DLGAP1: variants seen among roughly 807,000 people sequenced by gnomAD.
DLGAP1 encodes the protein DLG associated protein 1, also known as disks large-associated protein 1.
DLGAP1 carries 11 observed loss-of-function variants against 90.8 expected under a neutral mutation model. That is an observed-to-expected ratio of 0.12 (90% confidence interval 0.08 to 0.20). The LOEUF (loss-of-function observed/expected upper bound fraction) is 0.20, where lower values mean the gene tolerates loss of function less well. DLGAP1 is among the 10% of genes least tolerant of loss of function. The pLI is 1.00. For missense variants in DLGAP1, 1,050 were observed against 1,333.8 expected (o/e 0.79, Z 3.31); for synonymous variants, 558 against 540.7 (o/e 1.03, Z -0.44).
chr18:3,794,996 G>A (rs2065914595), intron 5 of DLGAP1, among the ~76,000 whole-genome samples: 1 of 152,242 alleles, frequency 6.6e-6, no homozygotes, highest in Non-Finnish European at 1.5e-5. Context: ...ATATCTTAGA[G>A]ATGCAAACGA....
intron 2 of DLGAP1, among the ~76,000 whole-genome samples, chr18:4,125,708 C>G (rs8084562): frequency 0.2 from 30,806 of 152,108 alleles, 3,348 homozygotes; most frequent in African/African-American, 0.26. Flanking sequence ...GGCACAAACT[C>G]TAATCACAGG....
intron 2 of DLGAP1, among the ~76,000 whole-genome samples, chr18:4,091,344 T>C (rs1215844255): frequency 6.6e-6 from 1 of 152,342 alleles, no homozygotes; most frequent in East Asian, 1.9e-4. Context: ...GGTGTGTAGG[T>C]GTGTGGATTT....
chr18:3,987,502 C>G (rs2073866814), intron 3 of DLGAP1, among the ~76,000 whole-genome samples: 1 of 152,206 alleles, frequency 6.6e-6, no homozygotes, highest in Non-Finnish European at 1.5e-5. Flanking sequence ...ATTGGGTCTA[C>G]TCGGTACCAG....
chr18:4,362,489 C>T (rs1355913419), intron 1 of DLGAP1, among the ~76,000 whole-genome samples: 1 of 152,140 alleles, frequency 6.6e-6, no homozygotes, highest in Admixed American at 6.5e-5. Flanking sequence ...AAGACAAATG[C>T]TGTATGATTC....
Position 4,258,837 on chromosome 18 carries a change from T to C in DLGAP1, c.-266-107550A>G, listed in dbSNP as rs576584505. Among the ~76,000 whole-genome samples the C allele has an allele frequency of 6.5e-4, 99 of 152,252 alleles. 1 individual carries two copies. Among genetic ancestry groups the C allele is most frequent in the African/African-American group, 2.3e-3 (94 of 41,546 alleles). On this transcript the variant is annotated intron_variant, in intron 1 of 12. Transcript: ENST00000315677. Reference sequence around the variant, plus strand: ...TTTGCCTTTTCCTACTCTTTGGTCATGAACAAAAGCCCTGCATGATCTTAA... The same window carrying C: ...TTTGCCTTTTCCTACTCTTTGGTCACGAACAAAAGCCCTGCATGATCTTAA...
At chr18:4,235,086 A>G (rs1568464250) in intron 1 of DLGAP1, among the ~76,000 whole-genome samples, 1 of 152,074 alleles carries the variant, frequency 6.6e-6, no homozygotes, top group East Asian at 1.9e-4. Context: ...GCTTACCCAC[A>G]ATATTTTTGT....
At chr18:4,087,105 T>TATATACACACAC in intron 2 of DLGAP1, among the ~76,000 whole-genome samples, 2 of 95,852 alleles carry the variant, frequency 2.1e-5, no homozygotes, top group South Asian at 5.8e-4. Flanking sequence ...ATATATGTGC[T>TATATACACACAC]ATATATATAT....
intron 3 of DLGAP1, among the ~76,000 whole-genome samples, chr18:3,926,905 C>T (rs1314806188): frequency 6.6e-6 from 1 of 151,988 alleles, no homozygotes; most frequent in Non-Finnish European, 1.5e-5. Flanking sequence ...CATGTTATGT[C>T]AGAAAGTAAG....
chr18:4,004,485 G>A (rs2074260975), intron 3 of DLGAP1, among the ~76,000 whole-genome samples: 1 of 151,916 alleles, frequency 6.6e-6, no homozygotes, highest in Non-Finnish European at 1.5e-5. Flanking sequence ...CCCATTCAAG[G>A]TTAGTGTTCC....
chr18:4,331,247 T>C (rs2080943944), intron 1 of DLGAP1, among the ~76,000 whole-genome samples: 2 of 151,732 alleles, frequency 1.3e-5, no homozygotes, highest in Admixed American at 6.6e-5. Flanking sequence ...GACTGTGTTT[T>C]CTCCACCCCT....
At chr18:3,996,981 CTT>C (rs2074084262) in intron 3 of DLGAP1, among the ~76,000 whole-genome samples, 1 of 150,346 alleles carries the variant, frequency 6.7e-6, no homozygotes, top group Non-Finnish European at 1.5e-5. Context: ...TTTTTAGTAA[CTT>C]TGACTCCACC....
At chr18:4,244,231 G>A (rs573842299) in intron 1 of DLGAP1, among the ~76,000 whole-genome samples, 4 of 152,270 alleles carry the variant, frequency 2.6e-5, no homozygotes, top group South Asian at 2.1e-4. Context: ...CAAGTCCTAC[G>A]TAGGAGGGGA....
At chr18:3,650,072 C>T (rs1014969625) in intron 7 of DLGAP1, among the ~76,000 whole-genome samples, 1 of 152,082 alleles carries the variant, frequency 6.6e-6, no homozygotes, top group Non-Finnish European at 1.5e-5. Context: ...GAAACAGGAT[C>T]TTGCTCTGTC....
intron 5 of DLGAP1, among the ~76,000 whole-genome samples, chr18:3,752,393 C>T (rs533653465): frequency 2.6e-5 from 4 of 152,220 alleles, no homozygotes; most frequent in African/African-American, 9.6e-5. Flanking sequence ...ACATCTACCC[C>T]TTGTCTCTAT....
chr18:3,520,594 C>T (rs533667574), intron 10 of DLGAP1, among the ~76,000 whole-genome samples: 1 of 152,278 alleles, frequency 6.6e-6, no homozygotes, highest in South Asian at 2.1e-4. Context: ...CACAGACACA[C>T]ACACAGAGGG....
intron 9 of DLGAP1, among the ~76,000 whole-genome samples, chr18:3,551,650 C>CCTTCCTTTCTCTCTCTCTT (rs1555677429): frequency 1.3e-5 from 1 of 74,958 alleles, no homozygotes; most frequent in East Asian, 3.9e-4. Flanking sequence ...CTTTCTCTCT[C>CCTTCCTTTCTCTCTCTCTT]TCTTTGTCTC....
At chr18:3,732,034 A>G (rs577948918) in intron 6 of DLGAP1, among the ~76,000 whole-genome samples, 2 of 152,316 alleles carry the variant, frequency 1.3e-5, no homozygotes, top group East Asian at 3.9e-4. Context: ...AGTCTTACCC[A>G]TTTTAAAAAT....
chr18:3,724,514 C>T (rs764155145), intron 7 of DLGAP1, among the ~76,000 whole-genome samples: 12 of 151,848 alleles, frequency 7.9e-5, no homozygotes, highest in Non-Finnish European at 1.3e-4. Flanking sequence ...GAGGCCAAGG[C>T]GGGTGGATCA....
At chr18:3,705,123 T>C (rs1209585371) in intron 7 of DLGAP1, among the ~76,000 whole-genome samples, 1 of 152,206 alleles carries the variant, frequency 6.6e-6, no homozygotes, top group Admixed American at 6.5e-5. Context: ...TTCAGTTTTT[T>C]ATTAGAAGAG....
Sources: allele counts gnomAD v4.1 joint callset (sites outside exome capture counted in the v4.1 genomes callset), GRCh38; gene constraint gnomAD v4.1.1; transcripts MANE v1.5; gene names NCBI Gene and HGNC (gene_info 2026-07-23, HGNC 2026-07-21).